FAM227A: variants seen among roughly 807,000 people sequenced by gnomAD.
The protein encoded by FAM227A is family with sequence similarity 227 member A.
In FAM227A, 80 loss-of-function variants were observed where a neutral mutation model predicts 74.7. The ratio of observed to expected loss-of-function variants is 1.07; its 90% CI spans 0.89 to 1.29. The LOEUF (loss-of-function observed/expected upper bound fraction) is 1.29, where lower values mean the gene tolerates loss of function less well. FAM227A is among the 50% of genes most tolerant of loss of function. The probability of loss-of-function intolerance (pLI) is 0.00; values close to 1 mark genes in which losing one functional copy is unlikely to be tolerated. For missense variants in FAM227A, 654 were observed against 683.4 expected (o/e 0.96, Z 0.48); for synonymous variants, 237 against 241.8 (o/e 0.98, Z 0.19).
In FAM227A at chr22:38,623,160, C is replaced by T; in HGVS notation, c.958+12G>A. On this transcript the variant is annotated intron_variant, in intron 10 of 16. Transcript: ENST00000535113. ...TGGCAAAGAAGGCGGGAGGCTGTAC[C>T]TGCTATCTTACCCTTTGTCAGTCTT... 1.3e-6 allele frequency: 2 copies of T among 1,534,882 alleles called. No individual in the cohort carries two copies. Among genetic ancestry groups the T allele is most frequent in the Non-Finnish European group, 1.8e-6 (2 of 1,131,738 alleles).
rs1327031064 is a variant in FAM227A at position 38,638,754 on chromosome 22, T to C, written c.364A>G (p.Ile122Val). The C allele has an allele frequency of 1.3e-6, 2 of 1,549,658 alleles. No individual in the cohort carries two copies. The highest frequency in any genetic ancestry group is 1.2e-5 in the South Asian group (1 of 83,892). Residue 122 changes from isoleucine to valine, a missense_variant, in exon 5 of 17, where the codon ATA (isoleucine) becomes GTA (valine). Physicochemically the swap from Ile to Val is conservative, Grantham distance 29. Transcript: ENST00000535113. ...AGCAGTAGATCCCTTACCCTTTTTATAACAGAAGATCTGGCATGTCTGAGT... is the reference window on the plus strand; with the variant it reads ...AGCAGTAGATCCCTTACCCTTTTTACAACAGAAGATCTGGCATGTCTGAGT... ...SELRHARSSVIKRKTADKNLL... is the reference protein window; with the variant it reads ...SELRHARSSVVKRKTADKNLL...
chr22:38,595,643 A>G (rs1405888937), intron 15 of FAM227A, among the ~76,000 whole-genome samples: 1 of 152,198 alleles, frequency 6.6e-6, no homozygotes, highest in East Asian at 1.9e-4. Flanking sequence ...TTAGAAAGAC[A>G]AACATGTGCT....
At position 38,607,496 on chromosome 22, in the gene FAM227A, G is replaced by A; in HGVS notation, c.1039-20C>T. 6.8e-7 allele frequency: 1 copy of A among 1,473,592 alleles called. No individual in the cohort carries two copies. Among genetic ancestry groups the A allele is most frequent in the Non-Finnish European group, 9.3e-7 (1 of 1,076,706 alleles). 91.3% of individuals were successfully genotyped at this position (1,473,592 alleles called of 1,614,324 possible). The stretch of plus-strand genomic sequence containing the variant: ...AGAAGACTTCAGGAGACAAGAGAGA[G>A]AAAGAGAGGGAGAAAGCGAGAGAGA... On this transcript the variant is annotated intron_variant, in intron 11 of 16. Coordinates refer to ENST00000535113, the MANE Select transcript of FAM227A (RefSeq NM_001013647.2).
chr22:38,636,179 A>G (rs1463137949), intron 6 of FAM227A, among the ~76,000 whole-genome samples: 2 of 152,230 alleles, frequency 1.3e-5, no homozygotes, highest in African/African-American at 4.8e-5. Context: ...GAATAAGTAT[A>G]TAATTTATAA....
chr22:38,627,425 G>A (rs1423442808), intron 8 of FAM227A, among the ~76,000 whole-genome samples: 2 of 151,566 alleles, frequency 1.3e-5, no homozygotes, highest in Middle Eastern at 3.4e-3. Context: ...AAAATTAGCC[G>A]GGTGTGGTGG....
intron 11 of FAM227A, among the ~76,000 whole-genome samples, chr22:38,609,858 G>A (rs141777219): frequency 6.6e-6 from 1 of 151,790 alleles, no homozygotes; most frequent in East Asian, 1.9e-4. Flanking sequence ...TGCAACCTCC[G>A]CTTCTCAGGT....
chr22:38,629,714 GGTGCCTCTCCTTTACCATCAGGAAGC>G (rs1415106279), intron 6 of FAM227A, among the ~76,000 whole-genome samples: 4 of 125,120 alleles, frequency 3.2e-5, no homozygotes, highest in Non-Finnish European at 5.1e-5. Context: ...CTCACACACA[GGTGCCTCTCCTTTACCATCAGGAAGC>G]GTGCCTCTTC....
intron 4 of FAM227A, among the ~76,000 whole-genome samples, chr22:38,639,351 G>C (rs538518484): frequency 4.0e-4 from 60 of 151,508 alleles, no homozygotes; most frequent in African/African-American, 1.2e-3. Flanking sequence ...GGAGGTTGCA[G>C]TGAGCAGAGA....
rs1242804227 is a variant in FAM227A at position 38,586,056 on chromosome 22, C to T, written c.*69G>A. ...GCCACAATTTTCTTATTTTCTTGTT[C>T]CACTCCACCTCGTAGCAGAAATATC... On this transcript the variant is annotated 3_prime_UTR_variant, in exon 17 of 17. Coordinates refer to ENST00000535113, the MANE Select transcript of FAM227A (RefSeq NM_001013647.2). 2 of 1,550,028 alleles carry T rather than the reference C, an allele frequency of 1.3e-6. No homozygotes were observed. Among genetic ancestry groups the T allele is most frequent in the Admixed American group, 2.0e-5 (1 of 50,340 alleles).
chr22:38,623,114 G>T, intron 10 of FAM227A, 58 bp downstream of exon 10: 1 of 1,186,528 alleles, frequency 8.4e-7, no homozygotes, highest in South Asian at 1.3e-5. Flanking sequence ...CCCTCAGTTA[G>T]ATAGTGGTTG....
chr22:38,581,311 G>A lies in FAM227A; in HGVS notation c.*4814C>T, dbSNP rs897360700. ...TCATGATTTTCCTGCCCTAGACCTG[G>A]AACTGATCATTTCTTCAAGGATCCC... is the stretch of plus-strand genomic sequence containing the variant. On this transcript the variant is annotated 3_prime_UTR_variant, in exon 17 of 17. Coordinates refer to ENST00000535113, the MANE Select transcript of FAM227A (RefSeq NM_001013647.2). 1 of 152,110 alleles carries A rather than the reference G, an allele frequency of 6.6e-6. No individual in the cohort carries two copies. Among genetic ancestry groups the A allele is most frequent in the African/African-American group, 2.4e-5 (1 of 41,430 alleles). The allele number at this position is 152,110 out of a possible 1,614,324, so 9.4% of individuals were successfully genotyped here.
At chr22:38,655,260 T>C (rs771088506) in intron 1 of FAM227A, among the ~76,000 whole-genome samples, 2 of 152,080 alleles carry the variant, frequency 1.3e-5, no homozygotes, top group Non-Finnish European at 2.9e-5. Flanking sequence ...CCAGGCGCAG[T>C]GGCCCGCACC....
chr22:38,600,540 G>A (rs1183776941), intron 13 of FAM227A, among the ~76,000 whole-genome samples: 1 of 151,554 alleles, frequency 6.6e-6, no homozygotes, highest in Non-Finnish European at 1.5e-5. Context: ...GTTTCACCAC[G>A]TTGGCCAGGC....
At chr22:38,646,244 ATTTC>A (rs1398595546) in intron 2 of FAM227A, among the ~76,000 whole-genome samples, 9 of 89,694 alleles carry the variant, frequency 1.0e-4, no homozygotes, top group Admixed American at 3.6e-4. Context: ...TCCTTCCAGT[ATTTC>A]TTTTTTTTTT....
intron 14 of FAM227A, 100 bp downstream of exon 14, chr22:38,599,664 G>T (rs576497629): frequency 2.7e-6 from 3 of 1,114,954 alleles, no homozygotes; most frequent in Non-Finnish European, 2.5e-6. Context: ...TGTGCCAGGC[G>T]CTGTGCTAAG....
intron 9 of FAM227A, among the ~76,000 whole-genome samples, chr22:38,624,241 C>A (rs1450669675): frequency 1.3e-5 from 2 of 152,064 alleles, no homozygotes; most frequent in African/African-American, 4.8e-5. Context: ...CCCATCTCTA[C>A]TAAAAATACA....
chr22:38,644,338 C>A (rs2092184302), intron 3 of FAM227A, among the ~76,000 whole-genome samples: 1 of 150,780 alleles, frequency 6.6e-6, no homozygotes, highest in Admixed American at 6.6e-5. Flanking sequence ...AGGTGGAGCA[C>A]AGAGGACTGT....
intron 13 of FAM227A, among the ~76,000 whole-genome samples, chr22:38,604,782 T>C (rs2091249841): frequency 6.6e-6 from 1 of 152,120 alleles, no homozygotes; most frequent in South Asian, 2.1e-4. Flanking sequence ...GCCTCCCAAG[T>C]GGCTGGGATT....
chr22:38,578,395 A>C lies in FAM227A; in HGVS notation c.*7730T>G, dbSNP rs1031901157. The C allele has an allele frequency of 6.6e-6, 1 of 152,194 alleles. No homozygotes were observed. Among genetic ancestry groups the C allele is most frequent in the African/African-American group, 2.4e-5 (1 of 41,440 alleles). The allele number at this position is 152,194 out of a possible 1,614,324, so 9.4% of individuals were successfully genotyped here. ...TGTGTGTATGTATACACACACATAC[A>C]TGTATATTTAATAGTCATTTTGGGC... On this transcript the variant is annotated 3_prime_UTR_variant, in exon 17 of 17. Coordinates refer to ENST00000535113, the MANE Select transcript of FAM227A (RefSeq NM_001013647.2).
Sources: gnomAD v4.1 joint callset for allele counts (sites outside exome capture counted in the v4.1 genomes callset) on GRCh38, gnomAD v4.1.1 for gene constraint, MANE v1.5 for transcripts, NCBI Gene and HGNC (gene_info 2026-07-23, HGNC 2026-07-21) for gene names.